The following DSCAM variants were observed in gnomAD, a reference collection of about 807,000 sequenced individuals.
The protein encoded by DSCAM is cell adhesion molecule DSCAM.
DSCAM carries 47 observed loss-of-function variants against 217.7 expected under a neutral mutation model. That is an observed-to-expected ratio of 0.22 (90% CI 0.17 to 0.28). DSCAM has a LOEUF of 0.28. DSCAM is among the 10% of genes least tolerant of loss of function. The pLI is 1.00. For missense variants in DSCAM, 2,080 were observed against 2,618.3 expected (o/e 0.79, Z 4.49); for synonymous variants, 1,056 against 1,015.3 (o/e 1.04, Z -0.76).
intron 3 of DSCAM, among the ~76,000 whole-genome samples, chr21:40,413,447 C>G (rs2075341576): frequency 6.6e-6 from 1 of 152,206 alleles, no homozygotes; most frequent in South Asian, 2.1e-4. Context: ...AGATGCAAGA[C>G]ATGGAGTCAA....
At position 40,763,355 on chromosome 21, in the gene DSCAM, A is replaced by G. The variant is rs563404098; in HGVS notation, c.44-54584T>C. On this transcript the variant is annotated intron_variant, in intron 1 of 32. Transcript: ENST00000400454. Reference sequence around the variant, plus strand: ...ACTCCCATTCACAATTGCTACAAAGAGAATAAAATACCTGGAATTACAACT... The same window carrying G: ...ACTCCCATTCACAATTGCTACAAAGGGAATAAAATACCTGGAATTACAACT... 6.6e-5 allele frequency among the ~76,000 whole-genome samples: 10 copies of G among 152,320 alleles called. No individual in the cohort carries two copies. The East Asian group carries it at 1.7e-3, about 26-fold the overall frequency.
At chr21:40,031,632 A>ACACACGCACG (rs139986277) in intron 32 of DSCAM, among the ~76,000 whole-genome samples, 3,513 of 152,238 alleles carry the variant, frequency 0.023, 130 homozygotes, top group African/African-American at 0.08. Flanking sequence ...CACCACCTAC[A>ACACACGCACG]CACACAAACA....
At chr21:40,637,888 T>C (rs907516189) in intron 3 of DSCAM, among the ~76,000 whole-genome samples, 2 of 151,702 alleles carry the variant, frequency 1.3e-5, no homozygotes, top group African/African-American at 4.8e-5. Flanking sequence ...TTCACCATAT[T>C]GGTCAGGCAG....
At chr21:40,239,060 T>C (rs117511445) in intron 11 of DSCAM, among the ~76,000 whole-genome samples, 1,634 of 152,304 alleles carry the variant, frequency 0.011, 10 homozygotes, top group Non-Finnish European at 0.018. Flanking sequence ...AACAGTTATG[T>C]GTCCAGAGTG....
chr21:40,705,475 C>A (rs780575893), intron 2 of DSCAM, among the ~76,000 whole-genome samples: 1 of 152,028 alleles, frequency 6.6e-6, no homozygotes, highest in South Asian at 2.1e-4. Context: ...CAAGACTGGG[C>A]AATTTATAAA....
intron 3 of DSCAM, among the ~76,000 whole-genome samples, chr21:40,515,350 C>T (rs2076291503): frequency 6.6e-6 from 1 of 152,206 alleles, no homozygotes; most frequent in Admixed American, 6.5e-5. Context: ...CCACTCACCA[C>T]TTGATAACAA....
chr21:40,752,855 G>A (rs1385383533), intron 1 of DSCAM, among the ~76,000 whole-genome samples: 4 of 152,220 alleles, frequency 2.6e-5, no homozygotes, highest in Non-Finnish European at 5.9e-5. Flanking sequence ...AAAGGCAAGT[G>A]TTTTGTTCAC....
intron 3 of DSCAM, among the ~76,000 whole-genome samples, chr21:40,455,224 A>G (rs1001460706): frequency 6.6e-6 from 1 of 152,156 alleles, no homozygotes; most frequent in Non-Finnish European, 1.5e-5. Flanking sequence ...CTCCACCAGA[A>G]AAAGTAGTTA....
chr21:40,313,829 G>A (rs891477513), intron 8 of DSCAM, among the ~76,000 whole-genome samples: 1 of 151,852 alleles, frequency 6.6e-6, no homozygotes, highest in Non-Finnish European at 1.5e-5. Context: ...ATGACTAAGA[G>A]TACAAACTAA....
chr21:40,510,496 C>G lies in DSCAM; in HGVS notation c.509-141251G>C, dbSNP rs147633910. Reference sequence around the variant, plus strand: ...TGATAAACATTTGTTCGAAATCAAACGTGACGATTGACAAAGGTTTATTGA... The same window carrying G: ...TGATAAACATTTGTTCGAAATCAAAGGTGACGATTGACAAAGGTTTATTGA... On this transcript the variant is annotated intron_variant, in intron 3 of 32. Coordinates refer to ENST00000400454, the MANE Select transcript of DSCAM (RefSeq NM_001389.5). Among the ~76,000 whole-genome samples, 381 of 152,174 alleles carry G rather than the reference C, an allele frequency of 2.5e-3. 1 individual carries two copies. The highest frequency in any genetic ancestry group is 4.1e-3 in the Non-Finnish European group (282 of 68,004).
chr21:40,304,993 G>C (rs1256722938), intron 9 of DSCAM, among the ~76,000 whole-genome samples: 1 of 152,182 alleles, frequency 6.6e-6, no homozygotes, highest in African/African-American at 2.4e-5. Context: ...CAGACACGAA[G>C]TGGGCACACA....
intron 20 of DSCAM, among the ~76,000 whole-genome samples, chr21:40,113,925 A>T (rs2089933249): frequency 1.3e-5 from 2 of 151,994 alleles, no homozygotes; most frequent in Admixed American, 1.3e-4. Flanking sequence ...ATACAAACAA[A>T]TGGAAGAACA....
At chr21:40,250,871 G>A (rs567166405) in intron 11 of DSCAM, among the ~76,000 whole-genome samples, 30 of 152,356 alleles carry the variant, frequency 2.0e-4, no homozygotes, top group African/African-American at 6.5e-4. Flanking sequence ...TGGCTGGGCT[G>A]GGTGCACATG....
intron 3 of DSCAM, among the ~76,000 whole-genome samples, chr21:40,593,886 A>G (rs1301724919): frequency 6.6e-6 from 1 of 152,184 alleles, no homozygotes; most frequent in African/African-American, 2.4e-5. Flanking sequence ...CTACCTATCT[A>G]CAGATGTTTT....
At chr21:40,027,308 C>G (rs1055547891) in intron 32 of DSCAM, among the ~76,000 whole-genome samples, 2 of 152,270 alleles carry the variant, frequency 1.3e-5, no homozygotes, top group Non-Finnish European at 2.9e-5. Flanking sequence ...CTGCCCTTAA[C>G]ATTTTTTCCT....
At chr21:40,631,789 G>A (rs1201515201) in intron 3 of DSCAM, among the ~76,000 whole-genome samples, 1 of 152,206 alleles carries the variant, frequency 6.6e-6, no homozygotes, top group Non-Finnish European at 1.5e-5. Flanking sequence ...TCTGATCTCT[G>A]TGGGGAACCT....
intron 3 of DSCAM, among the ~76,000 whole-genome samples, chr21:40,393,477 T>C (rs143331365): frequency 1.2e-4 from 18 of 152,358 alleles, no homozygotes; most frequent in African/African-American, 4.1e-4. Context: ...GGCATATTTT[T>C]TTAAAATCAA....
At chr21:40,537,698 G>A (rs1454827655) in intron 3 of DSCAM, among the ~76,000 whole-genome samples, 1 of 152,136 alleles carries the variant, frequency 6.6e-6, no homozygotes, top group African/African-American at 2.4e-5. Flanking sequence ...AGATGATGAA[G>A]GCAGAGATGA....
intron 3 of DSCAM, among the ~76,000 whole-genome samples, chr21:40,460,431 G>A (rs1353545106): frequency 1.3e-5 from 2 of 152,048 alleles, no homozygotes; most frequent in Admixed American, 1.3e-4. Context: ...GCCTAAGATA[G>A]CAAAGATCTG....
Sources: allele counts gnomAD v4.1 joint callset (sites outside exome capture counted in the v4.1 genomes callset), GRCh38; gene constraint gnomAD v4.1.1; transcripts MANE v1.5; gene names NCBI Gene and HGNC (gene_info 2026-07-23, HGNC 2026-07-21).